The following SYNE1 variants were observed in gnomAD, a reference collection of about 807,000 sequenced individuals.
SYNE1 encodes spectrin repeat containing nuclear envelope protein 1.
Under a neutral mutation model 1,111.0 loss-of-function variants are expected in SYNE1, and 616 were observed. The ratio of observed to expected loss-of-function variants is 0.55; its 90% CI spans 0.52 to 0.59. The LOEUF (loss-of-function observed/expected upper bound fraction) is 0.59. Among genes scored for constraint, SYNE1 ranks in the 20% least tolerant of loss-of-function variants. SYNE1 has a pLI of 0.00. For missense variants in SYNE1, 10,006 were observed against 10,417.0 expected (o/e 0.96, Z 1.72); for synonymous variants, 3,855 against 3,825.8 (o/e 1.01, Z -0.28).
intron 6 of SYNE1, among the ~76,000 whole-genome samples, chr6:152,513,344 T>C (rs902203760): frequency 2.0e-5 from 3 of 151,898 alleles, no homozygotes; most frequent in African/African-American, 7.3e-5. Context: ...GGGGCCCTAA[T>C]CTAATCAGAT....
chr6:152,346,993 G>C, intron 73 of SYNE1, 66 bp downstream of exon 73: 1 of 1,580,210 alleles, frequency 6.3e-7, no homozygotes, highest in Non-Finnish European at 8.6e-7. Flanking sequence ...TTTGTAAAAA[G>C]TCTCTAGACT....
rs150237229 is a variant in SYNE1 at position 152,156,058 on chromosome 6, C to T, written c.23830G>A (p.Ala7944Thr). 9 of 1,614,066 alleles carry T rather than the reference C, an allele frequency of 5.6e-6. No homozygotes were observed. Among genetic ancestry groups the T allele is most frequent in the Non-Finnish European group, 7.6e-6 (9 of 1,180,028 alleles). The change falls in exon 132 of 146, where the codon GCA becomes ACA. Residue 7944 changes from alanine (A) to threonine (T), a missense_variant. Around this residue, in one of 7 missense-constraint regions of SYNE1, gnomAD observed 2,182 missense variants for 2,287.8 expected, o/e 0.95. Coordinates refer to ENST00000367255, the MANE Select transcript of SYNE1 (RefSeq NM_182961.4). The stretch of plus-strand genomic sequence containing the variant: ...ACTTCACACAGGTTGAGGACAGATG[C>T]AACACCTGTACTGTGCTTCTCTATG... ...RDIEKHSTGV[A>T]SVLNLCEVLL...
At chr6:152,261,609 A>G (rs976177648) in intron 101 of SYNE1, among the ~76,000 whole-genome samples, 1 of 152,212 alleles carries the variant, frequency 6.6e-6, no homozygotes, top group African/African-American at 2.4e-5. Flanking sequence ...TCCTGAAATT[A>G]TTAAATACTG....
In SYNE1 at chr6:152,495,682, T is replaced by C. The variant is rs902787357; in HGVS notation, c.939+3060A>G. Among the ~76,000 whole-genome samples, 3 of 152,142 alleles carry C rather than the reference T, an allele frequency of 2.0e-5. No homozygotes were observed. The East Asian group carries it at 5.8e-4, about 29-fold the overall frequency. ...CCAATGACCTGCTGTCATAACCATTTTTCCTGCCAAACCACTCACCCTGTC... is the reference window on the plus strand; with the variant it reads ...CCAATGACCTGCTGTCATAACCATTCTTCCTGCCAAACCACTCACCCTGTC... On this transcript the variant is annotated intron_variant, in intron 11 of 145. Coordinates refer to ENST00000367255, the MANE Select transcript of SYNE1 (RefSeq NM_182961.4).
intron 145 of SYNE1, chr6:152,127,288 A>C (rs1179005598): frequency 2.6e-5 from 4 of 152,166 alleles, no homozygotes; most frequent in Non-Finnish European, 5.9e-5. Context: ...TTACACCTCT[A>C]ATCCCCAGTG....
At chr6:152,478,762 G>C (rs2098851679) in intron 14 of SYNE1, 1 of 152,248 alleles carries the variant, frequency 6.6e-6, no homozygotes. Flanking sequence ...AATGCCTTCT[G>C]ATTGCCAGGC....
rs140393283 is a variant in SYNE1, at chr6:152,448,053, A to G, written c.3505-431T>C. ...TCAACCAGCTGATTTCTTTTATTGA[A>G]GAGTCTACTTGTTGAATATTGTTAT... On this transcript the variant is annotated intron_variant, in intron 28 of 145. Transcript: ENST00000367255. 3.8e-3 allele frequency among the ~76,000 whole-genome samples: 586 copies of G among 152,338 alleles called. 4 individuals are homozygous for G. Among genetic ancestry groups the G allele is most frequent in the African/African-American group, 0.013 (539 of 41,576 alleles).
At chr6:152,512,364 T>C (rs1390325575) in intron 6 of SYNE1, among the ~76,000 whole-genome samples, 2 of 152,150 alleles carry the variant, frequency 1.3e-5, no homozygotes, top group African/African-American at 4.8e-5. Context: ...TAAGATATCT[T>C]TATGGAAAAT....
Position 152,221,019 on chromosome 6 carries a change from A to G in SYNE1, c.21684T>C (p.Ala7228=), listed in dbSNP as rs781163484. ...GGGCCTTGCTGGACTGTAGCTGCTC[A>G]GCAATCTCTTCCAGCAAGTTATTCC... is the stretch of plus-strand genomic sequence containing the variant. ...MRWNNLLEEI[A]EQLQSSKALL... Residue 7228 remains alanine (A), a synonymous_variant, in exon 119 of 146, where the codon GCT becomes GCC. Transcript: ENST00000367255. 2 of 1,614,040 alleles carry G rather than the reference A, an allele frequency of 1.2e-6. No homozygotes were observed. The highest frequency in any genetic ancestry group is 2.2e-5 in the East Asian group (1 of 44,896).
Position 152,122,031 on chromosome 6 carries a change from A to G in SYNE1, c.*405T>C. ...TTGGTTGGTAGATTGTACGACACTG[A>G]CATGGTGCTTGGGAGGGTCATTTAT... On this transcript the variant is annotated 3_prime_UTR_variant, in exon 146 of 146. Coordinates refer to ENST00000367255, the MANE Select transcript of SYNE1 (RefSeq NM_182961.4). 1 of 278,288 alleles carries G rather than the reference A, an allele frequency of 3.6e-6. No individual in the cohort carries two copies. Among genetic ancestry groups the G allele is most frequent in the South Asian group, 4.3e-5 (1 of 23,016 alleles). The allele number at this position is 278,288 out of a possible 1,614,324, so 17.2% of individuals were successfully genotyped here. A position where few individuals can be genotyped will look rare whatever the true frequency, so the allele number is the denominator to read the frequency against.
At chr6:152,450,937 T>G in intron 26 of SYNE1, 104 bp from the exon 27 acceptor site, 1 of 1,592,876 alleles carries the variant, frequency 6.3e-7, no homozygotes, top group Non-Finnish European at 8.6e-7. Flanking sequence ...ACTACCAAGG[T>G]AGAGTAATTA....
intron 67 of SYNE1, 89 bp from the exon 68 acceptor site, chr6:152,353,833 T>C: frequency 6.5e-7 from 1 of 1,532,974 alleles, no homozygotes; most frequent in Non-Finnish European, 9.0e-7. Context: ...ATGGTTTCAG[T>C]GTAGGTTTAG....
At chr6:152,389,902 G>T (rs1237475057) in intron 53 of SYNE1, among the ~76,000 whole-genome samples, 1 of 152,174 alleles carries the variant, frequency 6.6e-6, no homozygotes, top group Non-Finnish European at 1.5e-5. Flanking sequence ...TTACGACTAA[G>T]CTCAACAGCT....
chr6:152,246,912 T>C (rs1363265283), intron 105 of SYNE1, among the ~76,000 whole-genome samples: 1 of 152,130 alleles, frequency 6.6e-6, no homozygotes, highest in Non-Finnish European at 1.5e-5. Context: ...AAGGATCACA[T>C]AAAAACAGCA....
At chr6:152,396,115 G>T (rs1390110116) in intron 50 of SYNE1, among the ~76,000 whole-genome samples, 3 of 152,176 alleles carry the variant, frequency 2.0e-5, no homozygotes, top group Non-Finnish European at 2.9e-5. Context: ...CCCTTGAGTT[G>T]GGGCCAGTGA....
chr6:152,458,645 T>TA, intron 22 of SYNE1, 112 bp downstream of exon 22: 1 of 1,162,870 alleles, frequency 8.6e-7, no homozygotes, highest in Non-Finnish European at 1.3e-6. Flanking sequence ...TTAGTAGTAC[T>TA]ATTCTAGAAA....
At chr6:152,275,001 C>T (rs541351583) in intron 98 of SYNE1, among the ~76,000 whole-genome samples, 17 of 152,266 alleles carry the variant, frequency 1.1e-4, no homozygotes, top group Admixed American at 8.5e-4. Flanking sequence ...ATTCTCCCAC[C>T]TCCTCCCAGC....
At chr6:152,579,590 G>T (rs974591724) in intron 3 of SYNE1, among the ~76,000 whole-genome samples, 1 of 152,030 alleles carries the variant, frequency 6.6e-6, no homozygotes, top group Admixed American at 6.5e-5. Flanking sequence ...ATGTGTTGGG[G>T]GTTTACTATA....
intron 3 of SYNE1, chr6:152,546,345 T>A (rs1161856423): frequency 6.6e-6 from 1 of 152,212 alleles, no homozygotes; most frequent in Non-Finnish European, 1.5e-5. Flanking sequence ...CCCATTGTGA[T>A]CAGCGCATCC....
Sources: gnomAD v4.1 joint callset for allele counts (sites outside exome capture counted in the v4.1 genomes callset) on GRCh38, gnomAD v4.1.1 for gene constraint, gnomAD v4.1.1 regional missense constraint, MANE v1.5 for transcripts, NCBI Gene and HGNC (gene_info 2026-07-23, HGNC 2026-07-21) for gene names.